The following PPP1R16A variants were observed in gnomAD, a reference collection of about 807,000 sequenced individuals.
The protein encoded by PPP1R16A is myosin phosphatase-targeting subunit 3.
Under a neutral mutation model 46.6 loss-of-function variants are expected in PPP1R16A, and 39 were observed. The observed-to-expected ratio is 0.84, with a 90% CI of 0.65 to 1.09. The LOEUF (loss-of-function observed/expected upper bound fraction) is 1.09. Among genes scored for constraint, PPP1R16A ranks in the 50% least tolerant of loss-of-function variants. PPP1R16A has a pLI of 0.00. For synonymous variants in PPP1R16A, 413 were observed against 321.5 expected (o/e 1.28, Z -3.04); for missense variants, 798 against 735.6 (o/e 1.08, Z -0.98).
Position 144,500,528 on chromosome 8 carries a change from C to G in PPP1R16A, c.747C>G (p.Ala249=). ...AAANGFSEAA[A]LLLEHRASLS... is the part of the protein sequence containing the mutation. ...CCAACGGGTTCAGCGAGGCGGCTGC[C>G]CTGCTGCTGGAACACCGAGCCAGCC... The change falls in exon 8 of 12, where the codon GCC becomes GCG. Residue 249 remains alanine (A), a synonymous_variant. Coordinates refer to ENST00000435887, the MANE Select transcript of PPP1R16A (RefSeq NM_001329443.2). The G allele has an allele frequency of 3.1e-6, 5 of 1,593,482 alleles. No individual in the cohort carries two copies. Among genetic ancestry groups the G allele is most frequent in the Non-Finnish European group, 4.2e-6 (5 of 1,177,664 alleles).
intron 1 of PPP1R16A, among the ~76,000 whole-genome samples, chr8:144,480,263 C>G (rs1022231857): frequency 6.6e-6 from 1 of 152,214 alleles, no homozygotes; most frequent in Non-Finnish European, 1.5e-5. Context: ...CCAGCTTTTA[C>G]TGTGAAGGGC....
rs748499226 is a variant in PPP1R16A, at chr8:144,501,532, G to A, written c.1216G>A (p.Glu406Lys). Residue 406 changes from glutamate (E) to lysine (K), a missense_variant, in exon 12 of 12, where the codon GAA becomes AAA. Glu to Lys is a moderately conservative substitution (Grantham distance 56). Coordinates refer to ENST00000435887, the MANE Select transcript of PPP1R16A (RefSeq NM_001329443.2). ...TCACTGCCCGCAGGAGGACAACCCC[G>A]AAGTGGTCAGGCCGCACAATGGCCG... ...RPPPPEEDNP[E>K]VVRPHNGRVG... 119 of 1,567,096 alleles carry A rather than the reference G, an allele frequency of 7.6e-5. 1 individual carries two copies. Among genetic ancestry groups the A allele is most frequent in the Middle Eastern group, 1.7e-4 (1 of 5,970 alleles).
Position 144,500,868 on chromosome 8 carries a change from G to A in PPP1R16A, c.934G>A (p.Ala312Thr), listed in dbSNP as rs1222998114. ...TGTGTGCGGGGACGAGGAGGTGCGG[G>A]CCAAGCTGCTGGAGCTGAAGCACAA... is the stretch of plus-strand genomic sequence containing the variant. ...LDVCGDEEVRAKLLELKHKHD... is the reference protein window; with the variant it reads ...LDVCGDEEVRTKLLELKHKHD... Residue 312 changes from alanine to threonine, a missense_variant, in exon 10 of 12, where the codon GCC becomes ACC. By Grantham distance (58) the Ala-to-Thr change is moderately conservative (BLOSUM62 0). Coordinates refer to ENST00000435887, the MANE Select transcript of PPP1R16A (RefSeq NM_001329443.2). The A allele has an allele frequency of 5.1e-6, 8 of 1,566,378 alleles. No homozygotes were observed. The South Asian group carries it at 7.0e-5, about 14-fold the overall frequency.
At chr8:144,486,734 C>G (rs2721186) in intron 1 of PPP1R16A, among the ~76,000 whole-genome samples, 1 of 152,096 alleles carries the variant, frequency 6.6e-6, no homozygotes, top group Non-Finnish European at 1.5e-5. Context: ...TTTTGAGACT[C>G]GTGTGTTCTT....
In PPP1R16A at chr8:144,502,095, C is replaced by T. The variant is rs1013498781; in HGVS notation, c.*192C>T. 2.1e-5 allele frequency: 12 copies of T among 576,992 alleles called. No individual in the cohort carries two copies. The highest frequency in any genetic ancestry group is 3.2e-5 in the Non-Finnish European group (11 of 340,412). 35.7% of individuals were successfully genotyped at this position (576,992 alleles called of 1,614,324 possible). On this transcript the variant is annotated 3_prime_UTR_variant, in exon 12 of 12. Coordinates refer to ENST00000435887, the MANE Select transcript of PPP1R16A (RefSeq NM_001329443.2). ...CAAAGACTATTTTTATCCTGCAACTCTTGATAAAGGGCTGTTTTGCCATGG... is the reference window on the plus strand; with the variant it reads ...CAAAGACTATTTTTATCCTGCAACTTTTGATAAAGGGCTGTTTTGCCATGG...
rs2130460891 is a variant in PPP1R16A at position 144,497,438 on chromosome 8, A to G, written c.244A>G (p.Asn82Asp). 6.2e-7 allele frequency: 1 copy of G among 1,612,880 alleles called. No homozygotes were observed. Among genetic ancestry groups the G allele is most frequent in the South Asian group, 1.1e-5 (1 of 91,070 alleles). The change falls in exon 3 of 12, where the codon AAT (asparagine) becomes GAT (aspartate). Residue 82 changes from asparagine to aspartate, a missense_variant. Asn to Asp is a conservative substitution (Grantham distance 23). Transcript: ENST00000435887. ...TGTCCTTCTGGAGGCCGCTGCCCGAAATGACCTGGAAGAAGGTGAGTGTGG... is the reference window on the plus strand; with the variant it reads ...TGTCCTTCTGGAGGCCGCTGCCCGAGATGACCTGGAAGAAGGTGAGTGTGG... Reference protein sequence around the residue: ...SVVLLEAAARNDLEEVRQFLG... With the variant: ...SVVLLEAAARDDLEEVRQFLG...
intron 1 of PPP1R16A, among the ~76,000 whole-genome samples, chr8:144,479,720 C>A (rs1479031541): frequency 6.6e-6 from 1 of 152,210 alleles, no homozygotes; most frequent in Non-Finnish European, 1.5e-5. Context: ...CTTCCCCGAG[C>A]GTGTCCTAAC....
At chr8:144,483,576 T>C (rs116735660) in intron 1 of PPP1R16A, among the ~76,000 whole-genome samples, 3,288 of 152,190 alleles carry the variant, frequency 0.022, 102 homozygotes, top group African/African-American at 0.066. Flanking sequence ...CGACCGGCTT[T>C]TGTATTTTTA....
intron 2 of PPP1R16A, 131 bp downstream of exon 2, chr8:144,490,343 C>G (rs1202722852): frequency 6.6e-6 from 1 of 152,250 alleles, no homozygotes; most frequent in African/African-American, 2.4e-5. Flanking sequence ...CCCGTATCTA[C>G]TAAAGATACA....
At chr8:144,486,998 GT>G (rs976007563) in intron 1 of PPP1R16A, among the ~76,000 whole-genome samples, 17 of 151,924 alleles carry the variant, frequency 1.1e-4, no homozygotes, top group Non-Finnish European at 2.5e-4. Context: ...CTTTTCTTCT[GT>G]TTTTTTGTTT....
chr8:144,497,397 T>A lies in PPP1R16A; in HGVS notation c.203T>A (p.Leu68His). ...AGCCAAGGGCTCCTGAAGCAGGTCC[T>A]CTTCCCTCCCAGTGTTGTCCTTCTG... ...AASQGLLKQV[L>H]FPPSVVLLEA... Residue 68 changes from leucine (L) to histidine (H), a missense_variant, in exon 3 of 12, where the codon CTC becomes CAC. Transcript: ENST00000435887. 1 of 1,613,088 alleles carries A rather than the reference T, an allele frequency of 6.2e-7. No homozygotes were observed. Among genetic ancestry groups the A allele is most frequent in the Non-Finnish European group, 8.5e-7 (1 of 1,180,016 alleles).
rs376098360 is a variant in PPP1R16A, at chr8:144,497,435, C to G, written c.241C>G (p.Arg81Gly). The G allele has an allele frequency of 1.9e-6, 3 of 1,612,848 alleles. No homozygotes were observed. The highest frequency in any genetic ancestry group is 1.7e-6 in the Non-Finnish European group (2 of 1,180,014). The change falls in exon 3 of 12, where the codon CGA (arginine) becomes GGA (glycine). Residue 81 changes from arginine (R) to glycine (G), a missense_variant. Physicochemically the swap from Arg to Gly is moderately radical, Grantham distance 125. Transcript: ENST00000435887. ...TGTTGTCCTTCTGGAGGCCGCTGCC[C>G]GAAATGACCTGGAAGAAGGTGAGTG... ...PSVVLLEAAARNDLEEVRQFL... is the reference protein window; with the variant it reads ...PSVVLLEAAAGNDLEEVRQFL...
chr8:144,489,091 C>T (rs187816405), intron 1 of PPP1R16A, among the ~76,000 whole-genome samples: 79 of 150,236 alleles, frequency 5.3e-4, no homozygotes, highest in African/African-American at 1.9e-3. Flanking sequence ...ATAATTGCAG[C>T]TACTCAGGAG....
At chr8:144,499,197 C>A in intron 5 of PPP1R16A, 136 bp downstream of exon 5, 1 of 1,183,072 alleles carries the variant, frequency 8.5e-7, no homozygotes, top group Non-Finnish European at 1.2e-6. Flanking sequence ...TGCCTGTGTC[C>A]TGGCATGGAG....
chr8:144,502,034 C>T lies in PPP1R16A; in HGVS notation c.*131C>T, dbSNP rs563911518. Reference sequence around the variant, plus strand: ...TACTGTACAGGACACTGGCCCCTCTCAGGTCAGAAGACATGCCTGGAGGGA... The same window carrying T: ...TACTGTACAGGACACTGGCCCCTCTTAGGTCAGAAGACATGCCTGGAGGGA... On this transcript the variant is annotated 3_prime_UTR_variant, in exon 12 of 12. Transcript: ENST00000435887. 3 of 917,576 alleles carry T rather than the reference C, an allele frequency of 3.3e-6. No individual in the cohort carries two copies. Among genetic ancestry groups the T allele is most frequent in the Non-Finnish European group, 3.2e-6 (2 of 633,498 alleles). The allele number at this position is 917,576 out of a possible 1,614,324, so 56.8% of individuals were successfully genotyped here.
intron 1 of PPP1R16A, among the ~76,000 whole-genome samples, chr8:144,481,648 A>G (rs2130152433): frequency 6.6e-6 from 1 of 152,326 alleles, no homozygotes; most frequent in East Asian, 1.9e-4. Context: ...CCATCTCAAA[A>G]AATAAAATAA....
intron 5 of PPP1R16A, 177 bp from the exon 6 acceptor site, chr8:144,499,919 G>C: frequency 3.2e-6 from 2 of 620,956 alleles, no homozygotes; most frequent in South Asian, 3.9e-5. Context: ...CTGGCTTAAT[G>C]ACAGGATCTA....
In PPP1R16A at chr8:144,499,467, G is replaced by A. The variant is rs114909530; in HGVS notation, c.476+406G>A. The A allele has an allele frequency of 4.0e-3, 840 of 210,588 alleles. 9 individuals are homozygous for A. Among genetic ancestry groups the A allele is most frequent in the African/African-American group, 0.018 (782 of 43,690 alleles). The allele number at this position is 210,588 out of a possible 1,614,324, so 13.0% of individuals were successfully genotyped here. ...AACACAGAGGGACGTAGAGCGGGGG[G>A]AACTCTGAGCAGGGAGGGTCCATGA... On this transcript the variant is annotated intron_variant, in intron 5 of 11. Transcript: ENST00000435887.
rs749034437 is a variant in PPP1R16A, at chr8:144,493,175, G to T, written c.-735+2963G>T. 6.6e-6 allele frequency among the ~76,000 whole-genome samples: 1 copy of T among 152,116 alleles called. No homozygotes were observed. Among genetic ancestry groups the T allele is most frequent in the African/African-American group, 2.4e-5 (1 of 41,438 alleles). ...AGTGAGGGGACGGTGGGTGGGGGTC[G>T]GGGACAGTGCCCAGTATCCTCCATG... On this transcript the variant is annotated intron_variant, in intron 2 of 11. Coordinates refer to ENST00000435887, the MANE Select transcript of PPP1R16A (RefSeq NM_001329443.2). The surrounding 1 kb of genome is among the most constrained non-coding windows in gnomAD (Gnocchi z 4.3).
Sources: allele counts gnomAD v4.1 joint callset (sites outside exome capture counted in the v4.1 genomes callset), GRCh38; gene constraint gnomAD v4.1.1; non-coding constraint Gnocchi (gnomAD v3.1); transcripts MANE v1.5; gene names NCBI Gene and HGNC (gene_info 2026-07-23, HGNC 2026-07-21).